RTN4RL1: variants seen among roughly 807,000 people sequenced by gnomAD.
RTN4RL1 encodes the protein reticulon-4 receptor-like 1.
A neutral mutation model predicts 25.6 loss-of-function variants in RTN4RL1; 7 were observed. That is an observed-to-expected ratio of 0.27 (90% confidence interval 0.16 to 0.51). RTN4RL1 has a LOEUF of 0.51. RTN4RL1 is among the 20% of genes least tolerant of loss of function. The probability of loss-of-function intolerance (pLI) is 0.97; values close to 1 mark genes in which losing one functional copy is unlikely to be tolerated. For missense variants in RTN4RL1, 500 were observed against 615.6 expected, an observed-to-expected ratio of 0.81 and a Z score of 1.99; for synonymous variants, 297 against 288.2, an observed-to-expected ratio of 1.03 and a Z score of -0.31.
Position 1,936,994 on chromosome 17 carries a change from G to T in RTN4RL1, c.828C>A (p.Ser276=), listed in dbSNP as rs747678255. 27 of 1,604,472 alleles carry T rather than the reference G, an allele frequency of 1.7e-5. No individual in the cohort carries two copies. Among genetic ancestry groups the T allele is most frequent in the Non-Finnish European group, 2.0e-5 (24 of 1,178,234 alleles). ...GGGACACACAGGGGACAGCGGAGCT[G>T]GAGCCCCGGAACCTCTGCAGCCATT... ...LWEWLQRFRG[S]SSAVPCVSPG... The change falls in exon 2 of 2, where the codon TCC becomes TCA. Residue 276 remains serine (S), a synonymous_variant. Transcript: ENST00000331238.
chr17:1,948,124 G>A (rs1391287442), intron 1 of RTN4RL1, among the ~76,000 whole-genome samples: 1 of 152,200 alleles, frequency 6.6e-6, no homozygotes, highest in Non-Finnish European at 1.5e-5. Context: ...ATCAGATGCC[G>A]AGAAGGGGCT....
chr17:1,966,822 C>T (rs2066793418), intron 1 of RTN4RL1, among the ~76,000 whole-genome samples: 1 of 152,196 alleles, frequency 6.6e-6, no homozygotes, highest in African/African-American at 2.4e-5. Flanking sequence ...GGCATTGCCA[C>T]CACCAAAGCT....
chr17:1,962,162 C>A (rs1233060068), intron 1 of RTN4RL1, among the ~76,000 whole-genome samples: 1 of 150,894 alleles, frequency 6.6e-6, no homozygotes, highest in East Asian at 1.9e-4. Context: ...TGCATGCAGT[C>A]CCAGCTACTC....
intron 1 of RTN4RL1, among the ~76,000 whole-genome samples, chr17:1,999,774 G>A (rs2151321883): frequency 6.6e-6 from 1 of 152,354 alleles, no homozygotes. Flanking sequence ...TATTTAAAGA[G>A]AGGCATTGCT....
At chr17:2,022,087 G>A (rs916957516) in intron 1 of RTN4RL1, among the ~76,000 whole-genome samples, 2 of 151,392 alleles carry the variant, frequency 1.3e-5, no homozygotes, top group Non-Finnish European at 2.9e-5. Flanking sequence ...GGCCGAGGTG[G>A]GCAGATCACT....
At chr17:2,006,816 C>T (rs767283218) in intron 1 of RTN4RL1, among the ~76,000 whole-genome samples, 3 of 151,732 alleles carry the variant, frequency 2.0e-5, no homozygotes, top group Non-Finnish European at 2.9e-5. Flanking sequence ...TTAGTAGAGA[C>T]GGGGTTTCGC....
chr17:1,947,942 G>A (rs1172205935), intron 1 of RTN4RL1, among the ~76,000 whole-genome samples: 1 of 152,170 alleles, frequency 6.6e-6, no homozygotes, highest in Non-Finnish European at 1.5e-5. Flanking sequence ...GGACAGGGCT[G>A]GTTGTACGGG....
In RTN4RL1 at chr17:1,937,457, T is replaced by C; in HGVS notation, c.365A>G (p.Gln122Arg). The C allele has an allele frequency of 6.2e-7, 1 of 1,613,856 alleles. No homozygotes were observed. Among genetic ancestry groups the C allele is most frequent in the East Asian group, 2.2e-5 (1 of 44,870 alleles). ...GAGGGCGTGAAGCTTCACCAGGCCCTGGAAGGTCTCGGGTGCCAGCGTCCG... is the reference window on the plus strand; with the variant it reads ...GAGGGCGTGAAGCTTCACCAGGCCCCGGAAGGTCTCGGGTGCCAGCGTCCG... ...QLRTLAPETFQGLVKLHALYL... is the reference protein window; with the variant it reads ...QLRTLAPETFRGLVKLHALYL... The change falls in exon 2 of 2, where the codon CAG becomes CGG. Residue 122 changes from glutamine (Q) to arginine (R), a missense_variant. By Grantham distance (43) the Gln-to-Arg change is conservative. Around this residue, in one of 2 missense-constraint regions of RTN4RL1, gnomAD observed 232 missense variants for 341.1 expected, o/e 0.68. Transcript: ENST00000331238.
chr17:2,007,337 A>ACACACACACACACACACACACAC (rs1352398594), intron 1 of RTN4RL1, among the ~76,000 whole-genome samples: 11 of 140,406 alleles, frequency 7.8e-5, no homozygotes, highest in African/African-American at 2.4e-4. Context: ...TCACAGCCCC[A>ACACACACACACACACACACACAC]ACACACACAC....
chr17:1,959,010 C>G (rs573773737), intron 1 of RTN4RL1, among the ~76,000 whole-genome samples: 1 of 152,224 alleles, frequency 6.6e-6, no homozygotes, highest in Admixed American at 6.5e-5. Context: ...GGAAAAGACG[C>G]GGAGGGTGAG....
chr17:2,018,324 A>G (rs2067153547), intron 1 of RTN4RL1, among the ~76,000 whole-genome samples: 2 of 152,174 alleles, frequency 1.3e-5, no homozygotes, highest in South Asian at 4.1e-4. Flanking sequence ...TTCCTGGCCC[A>G]CTGTCCCATC....
chr17:2,003,265 G>C (rs150863789), intron 1 of RTN4RL1: 1 of 152,320 alleles, frequency 6.6e-6, no homozygotes, highest in South Asian at 2.1e-4. Flanking sequence ...GCTGGCAGAC[G>C]GGCGGGTGAC....
At chr17:1,983,833 C>T (rs548958321) in intron 1 of RTN4RL1, among the ~76,000 whole-genome samples, 27 of 152,238 alleles carry the variant, frequency 1.8e-4, no homozygotes, top group African/African-American at 6.0e-4. Flanking sequence ...TGAGCCACGG[C>T]GCCGGGTCCT....
At chr17:2,000,670 C>T (rs1324565171) in intron 1 of RTN4RL1, among the ~76,000 whole-genome samples, 1 of 152,032 alleles carries the variant, frequency 6.6e-6, no homozygotes, top group African/African-American at 2.4e-5. Context: ...CAGGGGCGTG[C>T]CACCACGTCT....
rs567346075 is a variant in RTN4RL1, at chr17:1,958,710, C to T, written c.14-20902G>A. 1.1e-4 allele frequency among the ~76,000 whole-genome samples: 16 copies of T among 152,346 alleles called. No homozygotes were observed. The South Asian group carries it at 1.7e-3, about 16-fold the overall frequency. ...TGCAGCAGCTGAGGCAGGCAGCTGG[C>T]AGCAGCGTGCGGGCCGGCCGGCCAG... On this transcript the variant is annotated intron_variant, in intron 1 of 1. Coordinates refer to ENST00000331238, the MANE Select transcript of RTN4RL1 (RefSeq NM_178568.4).
At chr17:1,972,951 C>G (rs543974216) in intron 1 of RTN4RL1, among the ~76,000 whole-genome samples, 1 of 152,282 alleles carries the variant, frequency 6.6e-6, no homozygotes, top group East Asian at 1.9e-4. Flanking sequence ...ATGCAGAGTC[C>G]GACCCCCACC....
intron 1 of RTN4RL1, among the ~76,000 whole-genome samples, chr17:1,975,836 C>T (rs1347709156): frequency 5.3e-5 from 8 of 152,092 alleles, no homozygotes; most frequent in Non-Finnish European, 1.2e-4. Flanking sequence ...ATCTACCTCA[C>T]GGGTGTGCGA....
At chr17:1,951,327 G>A (rs1915672701) in intron 1 of RTN4RL1, among the ~76,000 whole-genome samples, 1 of 152,064 alleles carries the variant, frequency 6.6e-6, no homozygotes, top group African/African-American at 2.4e-5. Flanking sequence ...GAGGCTTTTC[G>A]CGACACAATG....
chr17:2,021,813 C>T (rs2067208889), intron 1 of RTN4RL1, among the ~76,000 whole-genome samples: 1 of 150,676 alleles, frequency 6.6e-6, no homozygotes, highest in Non-Finnish European at 1.5e-5. Flanking sequence ...ACTCGGCCTC[C>T]CAAAGTGCTG....
Sources: allele counts gnomAD v4.1 joint callset (sites outside exome capture counted in the v4.1 genomes callset), GRCh38; gene constraint gnomAD v4.1.1; regional missense constraint gnomAD v4.1.1; transcripts MANE v1.5; gene names NCBI Gene and HGNC (gene_info 2026-07-23, HGNC 2026-07-21).